The following CAPN2 variants were observed in gnomAD, a reference collection of about 807,000 sequenced individuals.
CAPN2 encodes calpain-2 catalytic subunit.
CAPN2 carries 92 observed loss-of-function variants against 102.3 expected under a neutral mutation model. That is an observed-to-expected ratio of 0.90 (90% CI 0.76 to 1.07). The LOEUF (loss-of-function observed/expected upper bound fraction) is 1.07. CAPN2 is among the 50% of genes least tolerant of loss of function. CAPN2 has a pLI of 0.00. For synonymous variants in CAPN2, 340 were observed against 355.4 expected (o/e 0.96, Z 0.49); for missense variants, 800 against 909.4 (o/e 0.88, Z 1.55).
chr1:223,715,596 G>A (rs982049664), intron 1 of CAPN2, among the ~76,000 whole-genome samples: 2 of 152,080 alleles, frequency 1.3e-5, no homozygotes, highest in Non-Finnish European at 2.9e-5. Context: ...TGCCTGGAGC[G>A]GGGATTAAAG....
At position 223,712,629 on chromosome 1, in the gene CAPN2, C is replaced by A; in HGVS notation, c.-12C>A. On this transcript the variant is annotated 5_prime_UTR_variant, in exon 1 of 21. Transcript: ENST00000295006. ...ACCTTTCTCTGCGCAGTACGGCCGC[C>A]GGGACCGCAGCATGGCGGGCATCGC... 2.6e-6 allele frequency: 4 copies of A among 1,514,486 alleles called. No individual in the cohort carries two copies. The highest frequency in any genetic ancestry group is 3.5e-6 in the Non-Finnish European group (4 of 1,130,748). The allele number at this position is 1,514,486 out of a possible 1,614,324, so 93.8% of individuals were successfully genotyped here.
At chr1:223,733,779 C>T (rs946559368) in intron 2 of CAPN2, among the ~76,000 whole-genome samples, 23 of 152,190 alleles carry the variant, frequency 1.5e-4, no homozygotes, top group African/African-American at 5.5e-4. Flanking sequence ...TCCCAGAGAC[C>T]CATAGGCAAA....
intron 2 of CAPN2, among the ~76,000 whole-genome samples, chr1:223,738,252 G>C (rs1351983801): frequency 6.6e-6 from 1 of 151,954 alleles, no homozygotes; most frequent in Non-Finnish European, 1.5e-5. Flanking sequence ...TGACCTCCCA[G>C]GTTCAAAGTG....
chr1:223,722,331 A>G (rs1224697574), intron 2 of CAPN2, among the ~76,000 whole-genome samples: 1 of 115,682 alleles, frequency 8.6e-6, no homozygotes, highest in Non-Finnish European at 1.6e-5. Context: ...TCTGTTGCCC[A>G]GACTAAAGTG....
chr1:223,733,735 A>C (rs1660385339), intron 2 of CAPN2, among the ~76,000 whole-genome samples: 1 of 152,166 alleles, frequency 6.6e-6, no homozygotes, highest in Non-Finnish European at 1.5e-5. Context: ...AACAAATTAG[A>C]AGGTGTGGAG....
intron 9 of CAPN2, among the ~76,000 whole-genome samples, 166 bp downstream of exon 9, chr1:223,753,122 C>CTTTTCTCAATGAGCCTTTTCTCAA: frequency 8.2e-4 from 123 of 150,784 alleles, no homozygotes; most frequent in African/African-American, 2.8e-3. Flanking sequence ...TTTCTTTTCC[C>CTTTTCTCAATGAGCCTTTTCTCAA]TGAGCCTTTT....
At chr1:223,773,797 A>G (rs1661543755) in intron 20 of CAPN2, among the ~76,000 whole-genome samples, 1 of 152,124 alleles carries the variant, frequency 6.6e-6, no homozygotes, top group Non-Finnish European at 1.5e-5. Flanking sequence ...TAGAGGTTGC[A>G]GTGAACTGAG....
intron 2 of CAPN2, among the ~76,000 whole-genome samples, chr1:223,722,343 A>G (rs1225871655): frequency 1.6e-5 from 2 of 122,400 alleles, no homozygotes; most frequent in East Asian, 5.4e-4. Flanking sequence ...ACTAAAGTGC[A>G]GTAACAAAAC....
chr1:223,750,727 G>A (rs1558071980), intron 6 of CAPN2, among the ~76,000 whole-genome samples, 163 bp from the exon 7 acceptor site: 1 of 152,204 alleles, frequency 6.6e-6, no homozygotes, highest in Admixed American at 6.5e-5. Flanking sequence ...GCCCCCTCTA[G>A]CTCTTGTGAT....
At chr1:223,721,080 C>T (rs1480402192) in intron 2 of CAPN2, among the ~76,000 whole-genome samples, 5 of 152,232 alleles carry the variant, frequency 3.3e-5, no homozygotes, top group Non-Finnish European at 7.3e-5. Context: ...AACACCCACG[C>T]TCCTTCCCAG....
chr1:223,725,331 C>A lies in CAPN2; in HGVS notation c.307+7500C>A, dbSNP rs1424744616. 2.6e-5 allele frequency among the ~76,000 whole-genome samples: 4 copies of A among 151,594 alleles called. No individual in the cohort carries two copies. Among genetic ancestry groups the A allele is most frequent in the Non-Finnish European group, 2.9e-5 (2 of 67,970 alleles). ...CTGAGAGGTGGAGGTTGCAGTGAGC[C>A]ATGATCGCACCACTGCACTCCATCC... On this transcript the variant is annotated intron_variant, in intron 2 of 20. Transcript: ENST00000295006. The surrounding 1 kb of genome is among the most constrained non-coding windows in gnomAD (Gnocchi z 4.1).
At chr1:223,724,407 A>C (rs1162536151) in intron 2 of CAPN2, among the ~76,000 whole-genome samples, 2 of 152,204 alleles carry the variant, frequency 1.3e-5, no homozygotes, top group African/African-American at 4.8e-5. Context: ...CCTGTCCCAT[A>C]GAGCTTCTAG....
At chr1:223,748,499 C>T (rs28370061) in intron 5 of CAPN2, among the ~76,000 whole-genome samples, 3,392 of 152,328 alleles carry the variant, frequency 0.022, 135 homozygotes, top group African/African-American at 0.077. Flanking sequence ...GAAGCAAATT[C>T]TGACTCAGAC....
Position 223,770,438 on chromosome 1 carries a change from G to A in CAPN2, c.1825-9G>A. The A allele has an allele frequency of 6.2e-7, 1 of 1,608,614 alleles. No individual in the cohort carries two copies. Among genetic ancestry groups the A allele is most frequent in the Non-Finnish European group, 8.5e-7 (1 of 1,175,190 alleles). Reference sequence around the variant, plus strand: ...GTCATAGTTCTTACAGCTAACTTATGTGTTCCAGAAAATTTACCGAGAAAT... The same window carrying A: ...GTCATAGTTCTTACAGCTAACTTATATGTTCCAGAAAATTTACCGAGAAAT... On this transcript the variant is annotated splice_polypyrimidine_tract_variant and intron_variant, in intron 17 of 20. Transcript: ENST00000295006.
At chr1:223,744,783 C>T (rs1660711839) in intron 3 of CAPN2, among the ~76,000 whole-genome samples, 1 of 151,594 alleles carries the variant, frequency 6.6e-6, no homozygotes, top group African/African-American at 2.4e-5. Context: ...ATCACTTTAA[C>T]CTGGGAGGCA....
chr1:223,725,944 A>C lies in CAPN2; in HGVS notation c.307+8113A>C, dbSNP rs989358166. Among the ~76,000 whole-genome samples, 13 of 152,138 alleles carry C rather than the reference A, an allele frequency of 8.5e-5. No homozygotes were observed. The highest frequency in any genetic ancestry group is 3.1e-4 in the African/African-American group (13 of 41,414). On this transcript the variant is annotated intron_variant, in intron 2 of 20. Coordinates refer to ENST00000295006, the MANE Select transcript of CAPN2 (RefSeq NM_001748.5). This position sits in a 1 kb window ranked among gnomAD's most constrained non-coding sequence, Gnocchi z 4.1. ...TTTTCCTACAATGCAGGGAACTTTA[A>C]GACTATGTGACAGAAAGGTGCCACT...
Position 223,755,497 on chromosome 1 carries a change from C to T in CAPN2, c.1153C>T (p.Pro385Ser). ...GGCTGCAGACACATTCTGGATGAAC[C>T]CTCAGTACCTGATCAAGCTGGAGGA... Reference protein sequence around the residue: ...RNYPNTFWMNPQYLIKLEEED... With the variant: ...RNYPNTFWMNSQYLIKLEEED... Residue 385 changes from proline (P) to serine (S), a missense_variant, in exon 10 of 21, where the codon CCT becomes TCT. By Grantham distance (74) the Pro-to-Ser change is moderately conservative. Transcript: ENST00000295006. This position sits in a 1 kb window ranked among gnomAD's most constrained non-coding sequence, Gnocchi z 4.1. 6 of 1,614,060 alleles carry T rather than the reference C, an allele frequency of 3.7e-6. No homozygotes were observed. The highest frequency in any genetic ancestry group is 5.1e-6 in the Non-Finnish European group (6 of 1,180,020).
chr1:223,727,026 C>T lies in CAPN2; in HGVS notation c.307+9195C>T, dbSNP rs1286576731. Among the ~76,000 whole-genome samples, 3 of 152,192 alleles carry T rather than the reference C, an allele frequency of 2.0e-5. No homozygotes were observed. The highest frequency in any genetic ancestry group is 6.5e-5 in the Admixed American group (1 of 15,286). On this transcript the variant is annotated intron_variant, in intron 2 of 20. Coordinates refer to ENST00000295006, the MANE Select transcript of CAPN2 (RefSeq NM_001748.5). The surrounding 1 kb of genome is among the most constrained non-coding windows in gnomAD (Gnocchi z 4.1). ...CTTCTCCTCCCTTCCAAAGCGAAGACCCACAGCTGCCTGAAAATGTGGCTC... is the reference window on the plus strand; with the variant it reads ...CTTCTCCTCCCTTCCAAAGCGAAGATCCACAGCTGCCTGAAAATGTGGCTC...
intron 2 of CAPN2, among the ~76,000 whole-genome samples, chr1:223,733,632 G>C (rs1660383664): frequency 6.6e-6 from 1 of 152,204 alleles, no homozygotes; most frequent in Non-Finnish European, 1.5e-5. Flanking sequence ...CCTGCTGGGG[G>C]CAGTGAAGCC....
Sources: allele counts gnomAD v4.1 joint callset (sites outside exome capture counted in the v4.1 genomes callset), GRCh38; gene constraint gnomAD v4.1.1; non-coding constraint Gnocchi (gnomAD v3.1); transcripts MANE v1.5; gene names NCBI Gene and HGNC (gene_info 2026-07-23, HGNC 2026-07-21).